The following PRKN variants were observed in gnomAD, a reference collection of about 807,000 sequenced individuals.
PRKN encodes E3 ubiquitin-protein ligase parkin.
In PRKN, 56 loss-of-function variants were observed where a neutral mutation model predicts 59.5. The ratio of observed to expected loss-of-function variants is 0.94; its 90% CI spans 0.76 to 1.18. The LOEUF is 1.18. PRKN is among the 50% of genes most tolerant of loss of function. The pLI is 0.00. For synonymous variants in PRKN, 250 were observed against 222.1 expected (o/e 1.13, Z -1.12); for missense variants, 657 against 596.4 (o/e 1.10, Z -1.06).
intron 6 of PRKN, among the ~76,000 whole-genome samples, chr6:161,963,137 C>A (rs187964777): frequency 6.6e-6 from 1 of 151,940 alleles, no homozygotes. Flanking sequence ...GAGCGAAATT[C>A]CAAACTCTGT....
At chr6:161,663,517 T>C (rs891294531) in intron 7 of PRKN, among the ~76,000 whole-genome samples, 3 of 152,154 alleles carry the variant, frequency 2.0e-5, no homozygotes, top group Non-Finnish European at 4.4e-5. Flanking sequence ...TGTGGTGAAA[T>C]ATATGAATAT....
At chr6:162,597,599 T>G (rs1225159159) in intron 1 of PRKN, among the ~76,000 whole-genome samples, 1 of 152,248 alleles carries the variant, frequency 6.6e-6, no homozygotes, top group Non-Finnish European at 1.5e-5. Context: ...AATTGTTTCA[T>G]GCCTAATGTT....
chr6:161,490,425 C>T (rs1306460147), intron 9 of PRKN, among the ~76,000 whole-genome samples: 1 of 124,572 alleles, frequency 8.0e-6, no homozygotes, highest in Non-Finnish European at 1.6e-5. Flanking sequence ...CACTCTGTTG[C>T]CCAGGCTGGA....
chr6:161,385,023 G>A lies in PRKN; in HGVS notation c.1167+1771C>T, dbSNP rs34590339. 0.07 allele frequency among the ~76,000 whole-genome samples: 10,651 copies of A among 152,090 alleles called. 421 individuals are homozygous for A. Among genetic ancestry groups the A allele is most frequent in the Admixed American group, 0.1 (1,547 of 15,272 alleles). On this transcript the variant is annotated intron_variant, in intron 10 of 11. Transcript: ENST00000366898. The surrounding 1 kb of genome is among the most constrained non-coding windows in gnomAD (Gnocchi z 4.9). The stretch of plus-strand genomic sequence containing the variant: ...CAGCTCACTGCAACCTCCACCTCCC[G>A]GGTTCAAGCGATTCTCCTGCCTCAG...
At chr6:161,705,535 C>G (rs1438901310) in intron 7 of PRKN, among the ~76,000 whole-genome samples, 1 of 151,970 alleles carries the variant, frequency 6.6e-6, no homozygotes, top group Non-Finnish European at 1.5e-5. Flanking sequence ...CAAAGGGTTA[C>G]TATGTAGATT....
intron 2 of PRKN, among the ~76,000 whole-genome samples, chr6:162,317,277 T>C (rs962648660): frequency 6.6e-6 from 1 of 152,028 alleles, no homozygotes; most frequent in Non-Finnish European, 1.5e-5. Flanking sequence ...CTTTCCCCGA[T>C]ACTGTTCCCA....
rs2115093388 is a variant in PRKN, at chr6:161,442,757, G to A, written c.1084-55880C>T. Among the ~76,000 whole-genome samples the A allele has an allele frequency of 6.6e-6, 1 of 152,368 alleles. No homozygotes were observed. The highest frequency in any genetic ancestry group is 3.4e-3 in the Middle Eastern group (1 of 294). ...GAAGTTGCTAGAATGCAGCCGTGGA[G>A]ACGAACAGCTTACCGAGAGCCTCTG... On this transcript the variant is annotated intron_variant, in intron 9 of 11. Transcript: ENST00000366898. This position sits in a 1 kb window ranked among gnomAD's most constrained non-coding sequence, Gnocchi z 4.6.
intron 1 of PRKN, among the ~76,000 whole-genome samples, chr6:162,499,733 T>G (rs1444693433): frequency 6.6e-6 from 1 of 152,214 alleles, no homozygotes; most frequent in East Asian, 1.9e-4. Context: ...GTGACAAAGT[T>G]CTAATGTGTC....
intron 5 of PRKN, among the ~76,000 whole-genome samples, chr6:162,043,132 G>A (rs972697789): frequency 1.3e-5 from 2 of 152,112 alleles, no homozygotes; most frequent in African/African-American, 2.4e-5. Flanking sequence ...ATCAGATCTC[G>A]TGAGACTTAT....
intron 7 of PRKN, among the ~76,000 whole-genome samples, chr6:161,587,093 A>G (rs1282254389): frequency 6.6e-6 from 1 of 152,236 alleles, no homozygotes; most frequent in East Asian, 1.9e-4. Context: ...GTTTATAAAA[A>G]CACTCTCAGA....
chr6:162,243,831 C>T (rs1433460352), intron 3 of PRKN, among the ~76,000 whole-genome samples: 1 of 152,014 alleles, frequency 6.6e-6, no homozygotes, highest in Non-Finnish European at 1.5e-5. Context: ...TGTTTTGTTT[C>T]CATCTTTTCA....
intron 1 of PRKN, among the ~76,000 whole-genome samples, chr6:162,667,377 A>G (rs191724473): frequency 5.0e-4 from 76 of 152,224 alleles, no homozygotes; most frequent in African/African-American, 1.7e-3. Context: ...TGCTGTTTAA[A>G]ATATTTTAGT....
chr6:162,062,730 C>T (rs931576213), intron 4 of PRKN, among the ~76,000 whole-genome samples: 19 of 152,120 alleles, frequency 1.2e-4, no homozygotes, highest in Admixed American at 3.3e-4. Flanking sequence ...CTATTGTTTA[C>T]GCTTTCCAGT....
At position 161,526,375 on chromosome 6, in the gene PRKN, G is replaced by T. The variant is rs1352325969; in HGVS notation, c.1083+22479C>A. On this transcript the variant is annotated intron_variant, in intron 9 of 11. Transcript: ENST00000366898. The surrounding 1 kb of genome is among the most constrained non-coding windows in gnomAD (Gnocchi z 4.1). ...CTTGAGTATTGAATAATTGCTTCTT[G>T]CTTACTTTGAAAAGTACCTAAGCTA... Among the ~76,000 whole-genome samples, 2 of 152,086 alleles carry T rather than the reference G, an allele frequency of 1.3e-5. No individual in the cohort carries two copies. The highest frequency in any genetic ancestry group is 4.8e-5 in the African/African-American group (2 of 41,416).
chr6:162,105,836 G>C (rs1477660271), intron 4 of PRKN, among the ~76,000 whole-genome samples: 1 of 152,182 alleles, frequency 6.6e-6, no homozygotes. Context: ...ACTAAAATAT[G>C]ATAAGATTTT....
At position 162,315,913 on chromosome 6, in the gene PRKN, C is replaced by A. The variant is rs150979633; in HGVS notation, c.172-53148G>T. ...TCCTCAGAATCTGACTTCGCATCTA[C>A]TCAACCTATTTCATTTTGGATGCTG... On this transcript the variant is annotated intron_variant, in intron 2 of 11. Transcript: ENST00000366898. Among the ~76,000 whole-genome samples, 163 of 152,260 alleles carry A rather than the reference C, an allele frequency of 1.1e-3. 1 individual carries two copies. The highest frequency in any genetic ancestry group is 3.6e-3 in the African/African-American group (151 of 41,558).
intron 9 of PRKN, among the ~76,000 whole-genome samples, chr6:161,406,105 C>T (rs898219144): frequency 2.6e-5 from 4 of 151,530 alleles, no homozygotes; most frequent in East Asian, 1.9e-4. Context: ...TTTATACATA[C>T]GTATATATAT....
rs577678518 is a variant in PRKN, at chr6:161,582,618, G to A, written c.872-13202C>T. On this transcript the variant is annotated intron_variant, in intron 7 of 11. Coordinates refer to ENST00000366898, the MANE Select transcript of PRKN (RefSeq NM_004562.3). The surrounding 1 kb of genome is among the most constrained non-coding windows in gnomAD (Gnocchi z 4.4). ...ATTGTTTTGTAGTTTTAGTAGAGAT[G>A]GGGTTTCACCATGTTAGCCAGGATG... is the stretch of plus-strand genomic sequence containing the variant. Among the ~76,000 whole-genome samples, 4 of 151,996 alleles carry A rather than the reference G, an allele frequency of 2.6e-5. No homozygotes were observed. Among genetic ancestry groups the A allele is most frequent in the African/African-American group, 9.7e-5 (4 of 41,446 alleles).
At chr6:162,694,253 A>AC (rs935462479) in intron 1 of PRKN, among the ~76,000 whole-genome samples, 3 of 151,650 alleles carry the variant, frequency 2.0e-5, no homozygotes, top group Admixed American at 2.0e-4. Context: ...AAAAAAAAAA[A>AC]AAAAGAAGAA....
Sources: gnomAD v4.1 joint callset for allele counts (sites outside exome capture counted in the v4.1 genomes callset) on GRCh38, gnomAD v4.1.1 for gene constraint, Gnocchi (gnomAD v3.1) non-coding constraint, MANE v1.5 for transcripts, NCBI Gene and HGNC (gene_info 2026-07-23, HGNC 2026-07-21) for gene names.